Variants in COL20A1 observed in about 807,000 individuals in gnomAD.
COL20A1 encodes the protein collagen alpha-1(XX) chain.
In COL20A1, 164 loss-of-function variants were observed where a neutral mutation model predicts 152.9. The ratio of observed to expected loss-of-function variants is 1.07; its 90% confidence interval spans 0.94 to 1.22. The LOEUF is 1.22. Among genes scored for constraint, COL20A1 ranks in the 50% most tolerant of loss-of-function variants. The pLI, the probability that COL20A1 is intolerant of heterozygous loss-of-function variation, is 0.00. For missense variants in COL20A1, 1,873 were observed against 1,744.8 expected (o/e 1.07, Z -1.31); for synonymous variants, 864 against 756.0 (o/e 1.14, Z -2.34).
intron 34 of COL20A1, 29 bp from the exon 35 acceptor site, chr20:63,329,552 CTCCG>C (rs2068304047): frequency 1.3e-6 from 2 of 1,575,892 alleles, no homozygotes; most frequent in Non-Finnish European, 1.7e-6. Flanking sequence ...CACTGCATTG[CTCCG>C]TCCTCACATG....
intron 27 of COL20A1, 145 bp downstream of exon 27, chr20:63,322,256 C>A: frequency 3.2e-6 from 2 of 631,422 alleles, no homozygotes; most frequent in Non-Finnish European, 2.6e-6. Flanking sequence ...TGCAGACAGG[C>A]AGGGACCCCA....
chr20:63,310,344 C>A (rs753803511), intron 10 of COL20A1, 37 bp from the exon 11 acceptor site: 2 of 1,606,676 alleles, frequency 1.2e-6, no homozygotes, highest in Admixed American at 3.4e-5. Context: ...CCCCGGCACC[C>A]CCCTTCCTGG....
chr20:63,308,512 G>A, intron 7 of COL20A1, 30 bp from the exon 8 acceptor site: 6 of 1,532,074 alleles, frequency 3.9e-6, no homozygotes, highest in Non-Finnish European at 5.3e-6. Flanking sequence ...GCTGGCAGCT[G>A]CCTGTCACTT....
chr20:63,309,653 T>C, intron 9 of COL20A1, 105 bp from the exon 10 acceptor site: 1 of 1,290,056 alleles, frequency 7.8e-7, no homozygotes, highest in South Asian at 1.5e-5. Flanking sequence ...ACAGAAGGGC[T>C]GGGGAGCAGC....
Position 63,307,536 on chromosome 20 carries a change from C to T in COL20A1, c.543C>T (p.Val181=). ...TGCCCCCCGTGCCTGCTGACATGGTCTTCCTGGTGGACGGGTCCTGGAGCA... is the reference window on the plus strand; with the variant it reads ...TGCCCCCCGTGCCTGCTGACATGGTTTTCCTGGTGGACGGGTCCTGGAGCA... The part of the protein sequence containing the change: ...RCLPPVPADM[V]FLVDGSWSIG... Residue 181 remains valine (V), a synonymous_variant, in exon 6 of 36, where the codon GTC becomes GTT. Coordinates refer to ENST00000358894, the MANE Select transcript of COL20A1 (RefSeq NM_020882.4). The T allele has an allele frequency of 6.2e-7, 1 of 1,612,592 alleles. No individual in the cohort carries two copies. Among genetic ancestry groups the T allele is most frequent in the Non-Finnish European group, 8.5e-7 (1 of 1,179,692 alleles).
chr20:63,305,930 C>A lies in COL20A1; in HGVS notation c.387C>A (p.Leu129=). 2 of 1,612,462 alleles carry A rather than the reference C, an allele frequency of 1.2e-6. No individual in the cohort carries two copies. Among genetic ancestry groups the A allele is most frequent in the Non-Finnish European group, 1.7e-6 (2 of 1,179,450 alleles). Reference sequence around the variant, plus strand: ...TGGACAGGAGCAGCCAGAGGCCCCTCGGCTCTGGAGCCCCGGAGCCCACCC... The same window carrying A: ...TGGACAGGAGCAGCCAGAGGCCCCTAGGCTCTGGAGCCCCGGAGCCCACCC... ...SSLDRSSQRP[L]GSGAPEPTPS... is the part of the protein sequence containing the mutation. The change falls in exon 5 of 36, where the codon CTC becomes CTA. Residue 129 remains leucine, a synonymous_variant. Transcript: ENST00000358894. The surrounding 1 kb of genome is among the most constrained non-coding windows in gnomAD (Gnocchi z 4.9).
At position 63,313,238 on chromosome 20, in the gene COL20A1, G is replaced by A. The variant is rs541081243; in HGVS notation, c.2198G>A (p.Arg733His). The A allele has an allele frequency of 2.1e-5, 34 of 1,609,978 alleles. No homozygotes were observed. Among genetic ancestry groups the A allele is most frequent in the African/African-American group, 5.3e-5 (4 of 74,958 alleles). ...GCCCGCAGTGACCCTGTGTCCCTCCGCTATACCCCCTGTAGGTGCCCCTCC... is the reference window on the plus strand; with the variant it reads ...GCCCGCAGTGACCCTGTGTCCCTCCACTATACCCCCTGTAGGTGCCCCTCC... ...DGARSDPVSL[R>H]YTPSTVSRSP... Residue 733 changes from arginine to histidine, a missense_variant, in exon 17 of 36, where the codon CGC becomes CAC. Physicochemically the swap from Arg to His is conservative, Grantham distance 29. Coordinates refer to ENST00000358894, the MANE Select transcript of COL20A1 (RefSeq NM_020882.4). The surrounding 1 kb of genome is among the most constrained non-coding windows in gnomAD (Gnocchi z 5.9).
chr20:63,328,072 C>T lies in COL20A1; in HGVS notation c.3565-7C>T, dbSNP rs2068278119. ...GGGTCCCAAAGCTGCACCACCTTCC[C>T]TTCCAGGGCGAGCCGCAGTCCCTTG... On this transcript the variant is annotated splice_region_variant and splice_polypyrimidine_tract_variant and intron_variant, in intron 32 of 35. Transcript: ENST00000358894. The T allele has an allele frequency of 9.3e-6, 15 of 1,613,266 alleles. No individual in the cohort carries two copies. Among genetic ancestry groups the T allele is most frequent in the Non-Finnish European group, 1.2e-5 (14 of 1,179,824 alleles).
Position 63,312,459 on chromosome 20 carries a change from CCT to C in COL20A1, c.1850_1851del (p.Ser617PhefsTer111). 4 of 1,607,106 alleles carry C rather than the reference CCT, an allele frequency of 2.5e-6. No individual in the cohort carries two copies. The highest frequency in any genetic ancestry group is 3.4e-6 in the Non-Finnish European group (4 of 1,178,226). On this transcript the variant is annotated frameshift_variant, in exon 15 of 36. Coordinates refer to ENST00000358894, the MANE Select transcript of COL20A1 (RefSeq NM_020882.4). LOFTEE classifies it high-confidence loss of function. ...GAACGCCACCTCGGCCACGCTGGGG[CCT>C]CTCTCTTCCTCCACCACCTACACTG... ...PGNATSATLGPLSSSTTYTVR... is the reference protein window; with the variant it reads ...PGNATSATLGXLSSSTTYTVR...
rs542540979 is a variant in COL20A1 at position 63,325,892 on chromosome 20, A to G, written c.3402+171A>G. Reference sequence around the variant, plus strand: ...GCCTGTGGCCTGGCCAGAAGGCTGGAGAGCTCCAGCCCACCCCAGGCAGGA... The same window carrying G: ...GCCTGTGGCCTGGCCAGAAGGCTGGGGAGCTCCAGCCCACCCCAGGCAGGA... On this transcript the variant is annotated intron_variant, in intron 29 of 35. Transcript: ENST00000358894. 6.5e-4 allele frequency among the ~76,000 whole-genome samples: 98 copies of G among 151,578 alleles called. 1 individual carries two copies. Among genetic ancestry groups the G allele is most frequent in the African/African-American group, 2.4e-3 (98 of 41,294 alleles).
At chr20:63,304,347 G>A (rs111174527) in intron 3 of COL20A1, among the ~76,000 whole-genome samples, 11 of 102,596 alleles carry the variant, frequency 1.1e-4, no homozygotes, top group Admixed American at 1.9e-4. Context: ...CTGCAGGTGC[G>A]CAGGTGTGGG....
rs2068137545 is a variant in COL20A1, at chr20:63,319,989, G to A, written c.2917-50G>A. The A allele has an allele frequency of 6.5e-7, 1 of 1,536,316 alleles. No homozygotes were observed. The highest frequency in any genetic ancestry group is 2.0e-5 in the Admixed American group (1 of 50,498). ...CTGGCCTGGCCTTGGGGGCTCAGGT[G>A]GGCACCGGCCCCGCCTGGGCTGTGG... On this transcript the variant is annotated intron_variant, in intron 23 of 35. Coordinates refer to ENST00000358894, the MANE Select transcript of COL20A1 (RefSeq NM_020882.4). This position sits in a 1 kb window ranked among gnomAD's most constrained non-coding sequence, Gnocchi z 4.4.
chr20:63,310,926 C>T lies in COL20A1; in HGVS notation c.1393+416C>T, dbSNP rs559674972. 1.2e-4 allele frequency among the ~76,000 whole-genome samples: 18 copies of T among 152,202 alleles called. 1 individual carries two copies. The South Asian group carries it at 3.1e-3, about 26-fold the overall frequency. On this transcript the variant is annotated intron_variant, in intron 11 of 35. Transcript: ENST00000358894. ...ACCTGCCCATTTAAAGTGTACAACT[C>T]CAGTGGCTTTGGTATATTCAGAGCT...
At chr20:63,309,983 G>C (rs1424868411) in intron 10 of COL20A1, 68 bp downstream of exon 10, 6 of 1,382,826 alleles carry the variant, frequency 4.3e-6, no homozygotes, top group Non-Finnish European at 5.9e-6. Context: ...ATAAGCCAAA[G>C]GGAGGGCAGG....
Position 63,312,055 on chromosome 20 carries a change from G to A in COL20A1, c.1803G>A (p.Gln601=). Residue 601 remains glutamine, a splice_region_variant and synonymous_variant, in exon 14 of 36, where the codon CAG becomes CAA. Transcript: ENST00000358894. The stretch of plus-strand genomic sequence containing the variant: ...CCAGCGAGGGTGGACACTCGGGGCA[G>A]GTGAGAGCAGAGCCCTCCGGGGGCC... ...YVSSEGGHSG[Q]TEAPGNATSA... is the part of the protein sequence containing the mutation. 1 of 1,567,446 alleles carries A rather than the reference G, an allele frequency of 6.4e-7. No homozygotes were observed. The highest frequency in any genetic ancestry group is 8.7e-7 in the Non-Finnish European group (1 of 1,155,662).
In COL20A1 at chr20:63,326,798, G is replaced by A; in HGVS notation, c.3503G>A (p.Gly1168Glu). 6.7e-7 allele frequency: 1 copy of A among 1,501,298 alleles called. No individual in the cohort carries two copies. The allele number at this position is 1,501,298 out of a possible 1,614,324, so 93.0% of individuals were successfully genotyped here. A position where few individuals can be genotyped will look rare whatever the true frequency, so the allele number is the denominator to read the frequency against. ...AGARGTSGERGPPGTVGPTGL... is the reference protein window; with the variant it reads ...AGARGTSGEREPPGTVGPTGL... ...GCCAGGGGCACTAGTGGAGAGCGAG[G>A]ACCTCCAGGGACCGTGGGGCCCACA... Residue 1168 changes from glycine to glutamate, a missense_variant, in exon 31 of 36, where the codon GGA becomes GAA. Gly to Glu is a moderately conservative substitution (Grantham distance 98). Coordinates refer to ENST00000358894, the MANE Select transcript of COL20A1 (RefSeq NM_020882.4).
At chr20:63,314,334 A>T in intron 19 of COL20A1, 133 bp downstream of exon 19, 1 of 757,748 alleles carries the variant, frequency 1.3e-6, no homozygotes, top group Non-Finnish European at 2.2e-6. Context: ...CCCAGGGGTC[A>T]CAGGCAGGCA....
At chr20:63,297,230 ACCCAGCCCAGGGGACTCAGCCCAGGGGC>A (rs1414584715) in intron 2 of COL20A1, among the ~76,000 whole-genome samples, 12 of 151,788 alleles carry the variant, frequency 7.9e-5, no homozygotes, top group African/African-American at 2.9e-4. Context: ...TGTCCTGGGG[ACCCAGCCCAGGGGACTCAGCCCAGGGGC>A]CCCAGCCCAG....
intron 5 of COL20A1, among the ~76,000 whole-genome samples, chr20:63,307,087 G>A (rs1048112129): frequency 3.8e-4 from 58 of 152,334 alleles, no homozygotes; most frequent in African/African-American, 1.2e-3. Flanking sequence ...GCAAAACCCC[G>A]GGGAGCGCCA....
Sources: gnomAD v4.1 joint callset for allele counts (sites outside exome capture counted in the v4.1 genomes callset) on GRCh38, gnomAD v4.1.1 for gene constraint, Gnocchi (gnomAD v3.1) non-coding constraint, MANE v1.5 for transcripts, NCBI Gene and HGNC (gene_info 2026-07-23, HGNC 2026-07-21) for gene names.